CCDC34: variants seen among roughly 807,000 people sequenced by gnomAD.
CCDC34 encodes the protein coiled-coil domain-containing protein 34.
In CCDC34, 40 loss-of-function variants were observed where a neutral mutation model predicts 44.1. That is an observed-to-expected ratio of 0.91 (90% CI 0.70 to 1.18). The LOEUF is 1.18. CCDC34 is among the 50% of genes most tolerant of loss of function. The probability of loss-of-function intolerance (pLI) is 0.00; values close to 1 mark genes in which losing one functional copy is unlikely to be tolerated. For missense variants in CCDC34, 466 were observed against 452.3 expected (o/e 1.03, Z -0.28); for synonymous variants, 159 against 158.2 (o/e 1.01, Z -0.04).
At chr11:27,345,477 T>C (rs953386235) in intron 3 of CCDC34, among the ~76,000 whole-genome samples, 1 of 152,116 alleles carries the variant, frequency 6.6e-6, no homozygotes, top group Non-Finnish European at 1.5e-5. Context: ...GATGTTCCCC[T>C]TCCTGTGTCC....
chr11:27,346,474 A>G (rs796748769), intron 3 of CCDC34, among the ~76,000 whole-genome samples: 8 of 128,110 alleles, frequency 6.2e-5, no homozygotes, highest in South Asian at 5.8e-4. Flanking sequence ...GACAGAGGAA[A>G]GAAGGAAGGA....
intron 1 of CCDC34, among the ~76,000 whole-genome samples, chr11:27,359,610 T>A: frequency 6.6e-6 from 1 of 151,958 alleles, no homozygotes. Flanking sequence ...TGCCTCAGCC[T>A]CCCGAGTAGC....
intron 3 of CCDC34, among the ~76,000 whole-genome samples, chr11:27,343,126 C>T (rs991044747): frequency 1.3e-5 from 2 of 152,158 alleles, no homozygotes; most frequent in African/African-American, 2.4e-5. Context: ...TCAGGATGGG[C>T]ATGGTCGTTC....
Position 27,353,769 on chromosome 11 carries a change from C to T in CCDC34, c.499-3330G>A, listed in dbSNP as rs144756589. 8.4e-3 allele frequency among the ~76,000 whole-genome samples: 1,283 copies of T among 152,138 alleles called. 5 individuals are homozygous for T. Among genetic ancestry groups the T allele is most frequent in the Non-Finnish European group, 0.013 (917 of 67,990 alleles). On this transcript the variant is annotated intron_variant, in intron 2 of 5. Coordinates refer to ENST00000328697, the MANE Select transcript of CCDC34 (RefSeq NM_030771.2). ...TCTTAAATCTTAAAGGAAGAAAATACGAAAGCCAGAGTTCATTAAAAAATA... is the reference window on the plus strand; with the variant it reads ...TCTTAAATCTTAAAGGAAGAAAATATGAAAGCCAGAGTTCATTAAAAAATA...
intron 1 of CCDC34, among the ~76,000 whole-genome samples, chr11:27,362,585 T>C (rs989282881): frequency 2.6e-5 from 4 of 152,124 alleles, no homozygotes; most frequent in Non-Finnish European, 5.9e-5. Context: ...ACTATGTACA[T>C]TTTTCTGGGA....
intron 2 of CCDC34, among the ~76,000 whole-genome samples, chr11:27,356,322 C>A (rs376426945): frequency 2.0e-5 from 3 of 152,030 alleles, no homozygotes; most frequent in African/African-American, 7.2e-5. Flanking sequence ...GGCCAATTCC[C>A]AGGATTTTTT....
intron 2 of CCDC34, among the ~76,000 whole-genome samples, chr11:27,353,970 T>C (rs1590329079): frequency 6.6e-6 from 1 of 152,324 alleles, no homozygotes; most frequent in African/African-American, 2.4e-5. Context: ...GAGATGACTA[T>C]TCTTTATGGT....
At chr11:27,349,063 A>G (rs1862471877) in intron 3 of CCDC34, 2 of 985,266 alleles carry the variant, frequency 2.0e-6, no homozygotes, top group South Asian at 4.7e-5. Context: ...AGTATCTTAC[A>G]TTCCTAGACA....
In CCDC34 at chr11:27,357,421, C is replaced by T. The variant is rs1355891507; in HGVS notation, c.480G>A (p.Leu160=). Residue 160 remains leucine (L), a synonymous_variant, in exon 2 of 6, where the codon CTG becomes CTA. Transcript: ENST00000328697. The stretch of plus-strand genomic sequence containing the variant: ...GTTTTACCTCTAGAGCTTTCAGTTG[C>T]AGCCGGTCACGTTCTTCTTTTTCTT... ...IGKEKEERDR[L]QLKALEELNQ... 5 of 1,613,526 alleles carry T rather than the reference C, an allele frequency of 3.1e-6. No individual in the cohort carries two copies. The African/African-American group carries it at 4.0e-5, about 13-fold the overall frequency.
intron 3 of CCDC34, chr11:27,349,158 T>C: frequency 2.0e-6 from 2 of 977,318 alleles, no homozygotes; most frequent in Non-Finnish European, 2.4e-6. Flanking sequence ...AAGAGCAAAC[T>C]ATTCTGCATG....
rs1862490941 is a variant in CCDC34, at chr11:27,350,379, T to C, written c.559A>G (p.Ile187Val). 1.2e-6 allele frequency: 2 copies of C among 1,613,402 alleles called. No individual in the cohort carries two copies. Among genetic ancestry groups the C allele is most frequent in the Admixed American group, 1.7e-5 (1 of 59,942 alleles). ...CATTCCTTGTGCTTTTCTTCAGCAA[T>C]TATCTTTCTTTTTTCACGTTCTTCC... ...EMEEREKRKIIAEEKHKEWVQ... is the reference protein window; with the variant it reads ...EMEEREKRKIVAEEKHKEWVQ... Residue 187 changes from isoleucine to valine, a missense_variant, in exon 3 of 6, where the codon ATT becomes GTT. Coordinates refer to ENST00000328697, the MANE Select transcript of CCDC34 (RefSeq NM_030771.2).
At chr11:27,346,670 C>G (rs1862439577) in intron 3 of CCDC34, among the ~76,000 whole-genome samples, 1 of 152,146 alleles carries the variant, frequency 6.6e-6, no homozygotes, top group South Asian at 2.1e-4. Context: ...AAGCCAACAA[C>G]ACAAAACAAG....
intron 5 of CCDC34, 138 bp downstream of exon 5, chr11:27,340,558 A>G (rs1318447138): frequency 3.6e-6 from 3 of 835,074 alleles, no homozygotes; most frequent in African/African-American, 1.7e-5. Context: ...GGAACATGAC[A>G]TGTTTATAAT....
At chr11:27,346,003 T>C (rs926360019) in intron 3 of CCDC34, among the ~76,000 whole-genome samples, 5 of 152,004 alleles carry the variant, frequency 3.3e-5, no homozygotes, top group Non-Finnish European at 7.4e-5. Flanking sequence ...TGGTATCTCA[T>C]TGTGGTTTTG....
chr11:27,357,540 T>G lies in CCDC34; in HGVS notation c.361A>C (p.Thr121Pro). 1 of 1,613,826 alleles carries G rather than the reference T, an allele frequency of 6.2e-7. No individual in the cohort carries two copies. Among genetic ancestry groups the G allele is most frequent in the Non-Finnish European group, 8.5e-7 (1 of 1,179,826 alleles). The part of the protein sequence containing the change: ...RGMELQGCAS[T>P]QVESENNQEE... The stretch of plus-strand genomic sequence containing the variant: ...TGGTTATTTTCTGATTCAACCTGAG[T>G]GCTACAAAAGAGAGGCTACTATAGT... The change falls in exon 2 of 6, where the codon ACT (threonine) becomes CCT (proline). Residue 121 changes from threonine (T) to proline (P), a missense_variant and splice_region_variant. Transcript: ENST00000328697.
chr11:27,359,204 A>G (rs190997058), intron 1 of CCDC34, among the ~76,000 whole-genome samples: 8 of 152,228 alleles, frequency 5.3e-5, no homozygotes, highest in Non-Finnish European at 1.2e-4. Context: ...CTTTACCCAC[A>G]GGATAAAATC....
intron 3 of CCDC34, among the ~76,000 whole-genome samples, chr11:27,348,122 G>A (rs1051345370): frequency 6.6e-6 from 1 of 152,024 alleles, no homozygotes; most frequent in Non-Finnish European, 1.5e-5. Context: ...GCTGCACCGA[G>A]AGAACCTTTG....
At chr11:27,341,010 A>C (rs1315213125) in intron 4 of CCDC34, among the ~76,000 whole-genome samples, 173 bp from the exon 5 acceptor site, 1 of 152,202 alleles carries the variant, frequency 6.6e-6, no homozygotes, top group Non-Finnish European at 1.5e-5. Context: ...TCATGGACAT[A>C]CATTAAGGTG....
At chr11:27,360,875 T>C (rs925268988) in intron 1 of CCDC34, among the ~76,000 whole-genome samples, 1 of 152,100 alleles carries the variant, frequency 6.6e-6, no homozygotes, top group African/African-American at 2.4e-5. Flanking sequence ...CATGGTTAGA[T>C]AGGATCTGAG....
Sources: gnomAD v4.1 joint callset for allele counts (sites outside exome capture counted in the v4.1 genomes callset) on GRCh38, gnomAD v4.1.1 for gene constraint, MANE v1.5 for transcripts, NCBI Gene and HGNC (gene_info 2026-07-23, HGNC 2026-07-21) for gene names.